Variants in ITSN1 observed in about 807,000 individuals in gnomAD.
ITSN1 encodes intersectin 1.
A neutral mutation model predicts 239.8 loss-of-function variants in ITSN1; 58 were observed. The observed-to-expected ratio is 0.24, with a 90% CI of 0.20 to 0.30. The LOEUF (loss-of-function observed/expected upper bound fraction) is 0.30, where lower values mean the gene tolerates loss of function less well. Among genes scored for constraint, ITSN1 ranks in the 10% least tolerant of loss-of-function variants. ITSN1 has a pLI of 1.00. For synonymous variants in ITSN1, 780 were observed against 770.8 expected, an observed-to-expected ratio of 1.01 and a Z score of -0.20; for missense variants, 1,558 against 2,103.3, an observed-to-expected ratio of 0.74 and a Z score of 5.07.
intron 1 of ITSN1, among the ~76,000 whole-genome samples, chr21:33,681,014 T>G (rs944091386): frequency 3.9e-5 from 6 of 152,238 alleles, no homozygotes; most frequent in Non-Finnish European, 1.5e-5. Context: ...CTTTGTGGGC[T>G]TCATGCCATG....
chr21:33,680,644 T>C (rs903977484), intron 1 of ITSN1, among the ~76,000 whole-genome samples: 1 of 151,564 alleles, frequency 6.6e-6, no homozygotes, highest in South Asian at 2.1e-4. Flanking sequence ...TGCCATACTT[T>C]CTGCATTTTT....
chr21:33,838,105 G>A, intron 29 of ITSN1: 1 of 985,696 alleles, frequency 1.0e-6, no homozygotes, highest in Non-Finnish European at 1.2e-6. Flanking sequence ...TGGTCCGTTT[G>A]TGTGTTAGAT....
chr21:33,665,302 C>T (rs1375743226), intron 1 of ITSN1, among the ~76,000 whole-genome samples: 1 of 152,018 alleles, frequency 6.6e-6, no homozygotes, highest in Non-Finnish European at 1.5e-5. Context: ...AAGATAACGT[C>T]ATTAAAAAGT....
At chr21:33,658,198 G>T (rs2089252858) in intron 1 of ITSN1, among the ~76,000 whole-genome samples, 1 of 152,020 alleles carries the variant, frequency 6.6e-6, no homozygotes, top group Non-Finnish European at 1.5e-5. Flanking sequence ...TCATTAAGTG[G>T]AAGTGGGTCA....
intron 31 of ITSN1, among the ~76,000 whole-genome samples, chr21:33,863,781 C>T (rs1001012673): frequency 1.3e-5 from 2 of 152,244 alleles, no homozygotes; most frequent in Non-Finnish European, 2.9e-5. Context: ...CCAGGGCTCT[C>T]ATCCCCCCAA....
chr21:33,662,648 GT>G (rs1463027755), intron 1 of ITSN1, among the ~76,000 whole-genome samples: 1 of 152,154 alleles, frequency 6.6e-6, no homozygotes, highest in Non-Finnish European at 1.5e-5. Flanking sequence ...ATGCTGCCAA[GT>G]TCATCAGTTA....
intron 33 of ITSN1, among the ~76,000 whole-genome samples, chr21:33,872,688 C>T (rs894323484): frequency 4.6e-5 from 7 of 152,062 alleles, no homozygotes; most frequent in African/African-American, 7.2e-5. Context: ...GGTACAATCA[C>T]GCCCGGCTAA....
chr21:33,672,752 G>A (rs905962011), intron 1 of ITSN1, among the ~76,000 whole-genome samples: 3 of 149,550 alleles, frequency 2.0e-5, no homozygotes, highest in African/African-American at 4.9e-5. Context: ...TCCTTCTGTC[G>A]CCAGGCTGGA....
chr21:33,797,397 C>G lies in ITSN1; in HGVS notation c.1971C>G (p.Asp657Glu). Residue 657 changes from aspartate (D) to glutamate (E), a missense_variant, in exon 18 of 40, where the codon GAC (aspartate) becomes GAG (glutamate). By Grantham distance (45) the Asp-to-Glu change is conservative. This residue lies in a region of ITSN1 where 982 missense variants were observed against 1,209.9 expected (regional missense o/e 0.81). Transcript: ENST00000381318. The surrounding 1 kb of genome is among the most constrained non-coding windows in gnomAD (Gnocchi z 4.9). ...TTGGCAGACGAGCTCAGGAAAGGGA[C>G]AAGCAGTGGCTGGAGCATGTGCAGC... is the stretch of plus-strand genomic sequence containing the variant. ...EEAQRRAQER[D>E]KQWLEHVQQE... The G allele has an allele frequency of 1.9e-6, 3 of 1,613,816 alleles. No homozygotes were observed. The highest frequency in any genetic ancestry group is 2.5e-6 in the Non-Finnish European group (3 of 1,179,884).
chr21:33,878,188 G>A (rs1018403247), intron 34 of ITSN1, among the ~76,000 whole-genome samples: 92 of 152,060 alleles, frequency 6.1e-4, no homozygotes, highest in African/African-American at 2.0e-3. Flanking sequence ...TGGCCACCAT[G>A]CCCAGCTAAT....
chr21:33,716,493 C>T (rs894095056), intron 1 of ITSN1: 1 of 152,290 alleles, frequency 6.6e-6, no homozygotes, highest in Non-Finnish European at 1.5e-5. Flanking sequence ...CCTGGCAAAA[C>T]TTAACAGCTT....
intron 1 of ITSN1, among the ~76,000 whole-genome samples, chr21:33,698,781 C>A (rs1380497267): frequency 6.6e-6 from 1 of 152,164 alleles, no homozygotes; most frequent in Non-Finnish European, 1.5e-5. Flanking sequence ...TCTTCTTTTT[C>A]ATTCATTTCC....
intron 27 of ITSN1, among the ~76,000 whole-genome samples, chr21:33,833,601 C>T (rs566825529): frequency 1.4e-3 from 207 of 152,298 alleles, no homozygotes; most frequent in Middle Eastern, 3.4e-3. Flanking sequence ...GGCGCGGTGG[C>T]GCACGCCTGT....
intron 1 of ITSN1, among the ~76,000 whole-genome samples, chr21:33,676,143 C>T (rs7275888): frequency 0.042 from 6,365 of 151,326 alleles, 456 homozygotes; most frequent in African/African-American, 0.15. Context: ...CAAGCGATTC[C>T]TGCTAATTTT....
chr21:33,799,628 C>T (rs1256541567), intron 18 of ITSN1, among the ~76,000 whole-genome samples, 180 bp from the exon 19 acceptor site: 2 of 152,062 alleles, frequency 1.3e-5, no homozygotes, highest in African/African-American at 4.8e-5. Context: ...TTGTTGCTGA[C>T]GTCAGATTTG....
chr21:33,817,917 G>A (rs1380205106), intron 22 of ITSN1: 3 of 330,292 alleles, frequency 9.1e-6, no homozygotes, highest in Non-Finnish European at 5.6e-6. Context: ...TTGGAAATGG[G>A]GAGGTGTCCC....
chr21:33,720,364 T>G (rs1289947157), intron 2 of ITSN1, among the ~76,000 whole-genome samples: 1 of 152,250 alleles, frequency 6.6e-6, no homozygotes, highest in Non-Finnish European at 1.5e-5. Flanking sequence ...TTCCCAGTTT[T>G]GTGGAAGGTG....
intron 24 of ITSN1, among the ~76,000 whole-genome samples, chr21:33,822,756 T>G (rs2073759847): frequency 6.6e-6 from 1 of 152,250 alleles, no homozygotes; most frequent in Admixed American, 6.5e-5. Context: ...TGATTTGTCT[T>G]TTTAACTTGT....
intron 21 of ITSN1, among the ~76,000 whole-genome samples, chr21:33,813,573 G>A (rs563647350): frequency 1.3e-3 from 202 of 151,908 alleles, no homozygotes; most frequent in African/African-American, 4.7e-3. Flanking sequence ...GACTGGTCTC[G>A]AACTCTTGAC....
Sources: allele counts gnomAD v4.1 joint callset (sites outside exome capture counted in the v4.1 genomes callset), GRCh38; gene constraint gnomAD v4.1.1; regional missense constraint gnomAD v4.1.1; non-coding constraint Gnocchi (gnomAD v3.1); transcripts MANE v1.5; gene names NCBI Gene and HGNC (gene_info 2026-07-23, HGNC 2026-07-21).